Variants in LINGO2 observed in about 807,000 individuals in gnomAD.
LINGO2 encodes the protein leucine-rich repeat and immunoglobulin-like domain-containing nogo receptor-interacting protein 2.
A neutral mutation model predicts 30.6 loss-of-function variants in LINGO2; 14 were observed. That is an observed-to-expected ratio of 0.46 (90% CI 0.30 to 0.72). LINGO2 has a LOEUF of 0.72. LINGO2 is among the 30% of genes least tolerant of loss of function. LINGO2 has a pLI of 0.07. For missense variants in LINGO2, 729 were observed against 751.7 expected (o/e 0.97, Z 0.35); for synonymous variants, 317 against 288.5 (o/e 1.10, Z -1.00).
At chr9:28,340,878 C>T (rs192471123) in intron 3 of LINGO2, among the ~76,000 whole-genome samples, 32 of 152,160 alleles carry the variant, frequency 2.1e-4, no homozygotes, top group African/African-American at 6.0e-4. Context: ...ATTTTAGTAA[C>T]GGAATCATTC....
At chr9:28,668,117 C>T (rs1360816457) in intron 1 of LINGO2, among the ~76,000 whole-genome samples, 1 of 151,896 alleles carries the variant, frequency 6.6e-6, no homozygotes, top group Non-Finnish European at 1.5e-5. Context: ...ATCTTTAAAA[C>T]CCCACCAAAG....
chr9:28,656,389 A>C (rs1033118527), intron 1 of LINGO2, among the ~76,000 whole-genome samples: 3 of 152,134 alleles, frequency 2.0e-5, no homozygotes, highest in Non-Finnish European at 2.9e-5. Flanking sequence ...GTAGTAATCA[A>C]CTTAACCAAA....
At chr9:28,093,001 G>T (rs1826140979) in intron 4 of LINGO2, among the ~76,000 whole-genome samples, 1 of 152,020 alleles carries the variant, frequency 6.6e-6, no homozygotes, top group Non-Finnish European at 1.5e-5. Flanking sequence ...GGGATGCCAA[G>T]ATAGGCTAAG....
At chr9:29,153,956 C>T in the LINGO2 span, among the ~76,000 whole-genome samples, 1 of 152,154 alleles carries the variant, frequency 6.6e-6, no homozygotes, top group Non-Finnish European at 1.5e-5. Flanking sequence ...GATAGAAGTT[C>T]TCTCCACTAA....
intron 2 of LINGO2, among the ~76,000 whole-genome samples, chr9:28,423,841 G>A (rs1823302628): frequency 6.6e-6 from 1 of 152,096 alleles, no homozygotes; most frequent in African/African-American, 2.4e-5. Context: ...ATATAATTCA[G>A]AGAAATAGAA....
chr9:28,718,325 C>G, the LINGO2 span, among the ~76,000 whole-genome samples: 1 of 151,972 alleles, frequency 6.6e-6, no homozygotes, highest in East Asian at 1.9e-4. Flanking sequence ...CCTCACTGCC[C>G]TAGGACAATG....
chr9:28,970,397 C>T, the LINGO2 span, among the ~76,000 whole-genome samples: 100 of 152,218 alleles, frequency 6.6e-4, 1 homozygote, highest in South Asian at 0.02. Context: ...AGTATTTACA[C>T]AAGAAAAGCA....
intron 4 of LINGO2, among the ~76,000 whole-genome samples, chr9:28,164,206 C>A (rs2133614208): frequency 6.6e-6 from 1 of 152,240 alleles, no homozygotes; most frequent in Admixed American, 6.5e-5. Context: ...ATTTTGACAT[C>A]TGAAGGTACA....
the LINGO2 span, among the ~76,000 whole-genome samples, chr9:29,079,732 A>G: frequency 1.3e-5 from 2 of 151,988 alleles, no homozygotes; most frequent in African/African-American, 4.8e-5. Flanking sequence ...TATGCCTACC[A>G]AAATGAAAGG....
chr9:29,098,251 C>G, the LINGO2 span, among the ~76,000 whole-genome samples: 1 of 152,134 alleles, frequency 6.6e-6, no homozygotes, highest in Non-Finnish European at 1.5e-5. Context: ...AGCAATATGA[C>G]AACTATTGCT....
At chr9:28,984,492 A>C in the LINGO2 span, among the ~76,000 whole-genome samples, 1 of 152,076 alleles carries the variant, frequency 6.6e-6, no homozygotes, top group East Asian at 1.9e-4. Flanking sequence ...AATAACAATT[A>C]TTTGAATCAG....
intron 1 of LINGO2, among the ~76,000 whole-genome samples, chr9:28,617,326 C>T (rs979741912): frequency 3.4e-5 from 5 of 148,272 alleles, no homozygotes; most frequent in Middle Eastern, 3.4e-3. Flanking sequence ...GACAGAGTCT[C>T]GCTCTGTCGC....
chr9:28,053,577 C>T (rs1181973381), intron 4 of LINGO2, among the ~76,000 whole-genome samples: 4 of 152,054 alleles, frequency 2.6e-5, no homozygotes, highest in African/African-American at 9.7e-5. Context: ...ATAAGGTTTA[C>T]AATCAAAACA....
At position 28,352,227 on chromosome 9, in the gene LINGO2, G is replaced by A. The variant is rs1027371897; in HGVS notation, c.-246+20609C>T. 5.7e-3 allele frequency among the ~76,000 whole-genome samples: 873 copies of A among 151,984 alleles called. 7 individuals carry two copies. Among genetic ancestry groups the A allele is most frequent in the African/African-American group, 0.02 (835 of 41,418 alleles). On this transcript the variant is annotated intron_variant, in intron 3 of 5. Transcript: ENST00000379992. The stretch of plus-strand genomic sequence containing the variant: ...AGTCAAATTGTCCCTGTTTGCAGAC[G>A]AAATGATTGTATATCTAGAAAACCC...
intron 5 of LINGO2, among the ~76,000 whole-genome samples, chr9:27,973,315 A>G (rs1820441115): frequency 6.6e-6 from 1 of 152,144 alleles, no homozygotes; most frequent in Non-Finnish European, 1.5e-5. Context: ...AGAGTATAAC[A>G]GGGAAGAATA....
intron 5 of LINGO2, among the ~76,000 whole-genome samples, chr9:27,969,682 A>C (rs12685477): frequency 0.019 from 2,867 of 152,114 alleles, 139 homozygotes; most frequent in East Asian, 0.19. Flanking sequence ...TCTGGCTCTA[A>C]AGTCCTAGTT....
At chr9:28,219,121 T>C (rs916463826) in intron 4 of LINGO2, among the ~76,000 whole-genome samples, 10 of 152,180 alleles carry the variant, frequency 6.6e-5, no homozygotes, top group African/African-American at 2.2e-4. Context: ...ACCCTATGAA[T>C]ATCATTCCTT....
intron 4 of LINGO2, among the ~76,000 whole-genome samples, chr9:28,031,439 C>T (rs527845925): frequency 1.3e-5 from 2 of 150,870 alleles, no homozygotes; most frequent in Non-Finnish European, 2.9e-5. Flanking sequence ...CTTATGTTTA[C>T]ATTGTGGAAT....
At chr9:28,993,328 T>C in the LINGO2 span, among the ~76,000 whole-genome samples, 1,434 of 152,238 alleles carry the variant, frequency 9.4e-3, 30 homozygotes, top group African/African-American at 0.033. Context: ...AAAAGTTGAA[T>C]CTCTGAATAG....
Sources: allele counts gnomAD v4.1 joint callset (sites outside exome capture counted in the v4.1 genomes callset), GRCh38; gene constraint gnomAD v4.1.1; transcripts MANE v1.5; gene names NCBI Gene and HGNC (gene_info 2026-07-23, HGNC 2026-07-21).